Variants in ARHGEF28 observed in about 807,000 individuals in gnomAD.
ARHGEF28 encodes 190 kDa guanine nucleotide exchange factor.
Under a neutral mutation model 206.6 loss-of-function variants are expected in ARHGEF28, and 152 were observed. That is an observed-to-expected ratio of 0.74 (90% confidence interval 0.64 to 0.84). ARHGEF28 has a LOEUF of 0.84. Ranked by LOEUF, ARHGEF28 falls within the 40% of genes least tolerant of loss-of-function variation. The pLI is 0.00. For synonymous variants in ARHGEF28, 763 were observed against 776.4 expected (o/e 0.98, Z 0.29); for missense variants, 2,028 against 2,073.2 (o/e 0.98, Z 0.42).
At chr5:73,774,114 C>T in intron 5 of ARHGEF28, 76 bp downstream of exon 5, 1 of 1,347,552 alleles carries the variant, frequency 7.4e-7, no homozygotes, top group Non-Finnish European at 1.0e-6. Context: ...TGGAAATAAC[C>T]AAACCACAAG....
At chr5:73,749,788 G>A (rs1203080061) in intron 2 of ARHGEF28, 49 bp from the exon 3 acceptor site, 1 of 1,604,022 alleles carries the variant, frequency 6.2e-7, no homozygotes, top group African/African-American at 1.3e-5. Flanking sequence ...TGCTTTCTTA[G>A]AGCCAGGACA....
At chr5:73,704,453 C>T (rs1237505677) in intron 2 of ARHGEF28, among the ~76,000 whole-genome samples, 2 of 152,056 alleles carry the variant, frequency 1.3e-5, no homozygotes, top group African/African-American at 4.8e-5. Context: ...GAGATAGGGT[C>T]TCACTCTGTC....
At chr5:73,672,423 G>A in intron 1 of ARHGEF28, among the ~76,000 whole-genome samples, 1 of 152,094 alleles carries the variant, frequency 6.6e-6, no homozygotes, top group East Asian at 1.9e-4. Context: ...CCAGTCCAGT[G>A]GTCTTCCTCC....
At chr5:73,859,417 T>C (rs1271841389) in intron 16 of ARHGEF28, among the ~76,000 whole-genome samples, 2 of 152,190 alleles carry the variant, frequency 1.3e-5, no homozygotes, top group African/African-American at 4.8e-5. Context: ...CTGAAGCTCC[T>C]CATAAACTTT....
intron 2 of ARHGEF28, among the ~76,000 whole-genome samples, chr5:73,711,949 T>C (rs1360399569): frequency 6.6e-6 from 1 of 152,100 alleles, no homozygotes; most frequent in Non-Finnish European, 1.5e-5. Flanking sequence ...TTTCTGTTTA[T>C]TAGGTTAAGA....
At chr5:73,818,028 G>C (rs1756336670) in intron 9 of ARHGEF28, among the ~76,000 whole-genome samples, 1 of 152,134 alleles carries the variant, frequency 6.6e-6, no homozygotes, top group South Asian at 2.1e-4. Context: ...GATTGGGATT[G>C]GGAACAGATG....
intron 35 of ARHGEF28, among the ~76,000 whole-genome samples, chr5:73,932,725 G>T (rs1764191964): frequency 6.8e-6 from 1 of 145,996 alleles, no homozygotes; most frequent in Non-Finnish European, 1.5e-5. Flanking sequence ...AATATATGTT[G>T]AAACCTACTA....
chr5:73,737,774 C>T (rs939291925), intron 2 of ARHGEF28, among the ~76,000 whole-genome samples: 3 of 152,126 alleles, frequency 2.0e-5, no homozygotes, highest in South Asian at 2.1e-4. Context: ...GCCTCGGACT[C>T]TCAAAGTGTT....
At chr5:73,817,959 G>T (rs1447818845) in intron 9 of ARHGEF28, among the ~76,000 whole-genome samples, 1 of 152,178 alleles carries the variant, frequency 6.6e-6, no homozygotes, top group Non-Finnish European at 1.5e-5. Flanking sequence ...TGGTAGGGTT[G>T]TTTGTGCATC....
intron 20 of ARHGEF28, 59 bp downstream of exon 20, chr5:73,868,286 ACTGT>A (rs1759843506): frequency 8.0e-6 from 12 of 1,507,224 alleles, no homozygotes; most frequent in Admixed American, 2.2e-5. Flanking sequence ...CCAAAATGAC[ACTGT>A]CTGAAGGAAA....
intron 2 of ARHGEF28, among the ~76,000 whole-genome samples, chr5:73,690,083 G>A (rs1238960537): frequency 3.3e-5 from 4 of 120,996 alleles, no homozygotes; most frequent in Non-Finnish European, 7.1e-5. Context: ...AAGATTTCAC[G>A]TTGCCGTGAG....
intron 2 of ARHGEF28, among the ~76,000 whole-genome samples, chr5:73,725,473 C>CCT (rs1295544571): frequency 9.9e-5 from 15 of 151,770 alleles, no homozygotes; most frequent in Non-Finnish European, 5.9e-5. Context: ...AAACTCAATA[C>CCT]CTCTTAACTG....
At chr5:73,724,893 A>G (rs1750183340) in intron 2 of ARHGEF28, among the ~76,000 whole-genome samples, 1 of 152,232 alleles carries the variant, frequency 6.6e-6, no homozygotes, top group Non-Finnish European at 1.5e-5. Context: ...AGTTTATACA[A>G]CACCTAAATA....
chr5:73,799,447 G>A (rs1755007212), intron 9 of ARHGEF28, among the ~76,000 whole-genome samples: 1 of 152,208 alleles, frequency 6.6e-6, no homozygotes, highest in Non-Finnish European at 1.5e-5. Flanking sequence ...TAAATGTTAA[G>A]TTCCTCCTTG....
At chr5:73,938,199 C>CACACACAA (rs1386320876) in intron 35 of ARHGEF28, among the ~76,000 whole-genome samples, 1 of 150,474 alleles carries the variant, frequency 6.6e-6, no homozygotes, top group Non-Finnish European at 1.5e-5. Context: ...CACACACACA[C>CACACACAA]AACTCCCCAT....
At chr5:73,655,926 T>C (rs1465351934) in intron 1 of ARHGEF28, among the ~76,000 whole-genome samples, 1 of 152,240 alleles carries the variant, frequency 6.6e-6, no homozygotes, top group African/African-American at 2.4e-5. Flanking sequence ...GGTTTCATTT[T>C]CTTATGTTGT....
In ARHGEF28 at chr5:73,733,808, A is replaced by T. The variant is rs551469462; in HGVS notation, c.34-16029A>T. 2.6e-5 allele frequency among the ~76,000 whole-genome samples: 4 copies of T among 152,230 alleles called. No individual in the cohort carries two copies. In the South Asian group the frequency reaches 6.2e-4, roughly 24 times the overall value. On this transcript the variant is annotated intron_variant, in intron 2 of 35. Transcript: ENST00000513042. ...AGAGTGGGTAATATATAAAGAAAAG[A>T]TGTGTAACTGGCTCACAGTTCTGTA... is the stretch of plus-strand genomic sequence containing the variant.
At chr5:73,919,184 T>A (rs1273629427) in intron 35 of ARHGEF28, among the ~76,000 whole-genome samples, 1 of 152,258 alleles carries the variant, frequency 6.6e-6, no homozygotes, top group Non-Finnish European at 1.5e-5. Context: ...GTATTCCGAT[T>A]GTGATTCAGG....
rs1419685477 is a variant in ARHGEF28 at position 73,941,362 on chromosome 5, G to A, written c.*349G>A. 1.3e-5 allele frequency: 2 copies of A among 158,330 alleles called. No homozygotes were observed. Among genetic ancestry groups the A allele is most frequent in the African/African-American group, 2.4e-5 (1 of 41,538 alleles). The allele number at this position is 158,330 out of a possible 1,614,324, so 9.8% of individuals were successfully genotyped here. A position where few individuals can be genotyped will look rare whatever the true frequency, so the allele number is the denominator to read the frequency against. On this transcript the variant is annotated 3_prime_UTR_variant, in exon 36 of 36. Transcript: ENST00000513042. ...AGATTCCTTTTAAGATCTCAATGAA[G>A]CAATTTGGATTTAAAGAGTGGTATT... is the stretch of plus-strand genomic sequence containing the variant.
Sources: gnomAD v4.1 joint callset for allele counts (sites outside exome capture counted in the v4.1 genomes callset) on GRCh38, gnomAD v4.1.1 for gene constraint, MANE v1.5 for transcripts, NCBI Gene and HGNC (gene_info 2026-07-23, HGNC 2026-07-21) for gene names.